The following PPP4R2 variants were observed in gnomAD, a reference collection of about 807,000 sequenced individuals.
The protein encoded by PPP4R2 is serine/threonine-protein phosphatase 4 regulatory subunit 2.
In PPP4R2, 13 loss-of-function variants were observed where a neutral mutation model predicts 47.2. The ratio of observed to expected loss-of-function variants is 0.28; its 90% confidence interval spans 0.18 to 0.44. The LOEUF is 0.44. PPP4R2 is among the 20% of genes least tolerant of loss of function. The pLI is 1.00. For missense variants in PPP4R2, 421 were observed against 491.2 expected, an observed-to-expected ratio of 0.86 and a Z score of 1.35; for synonymous variants, 151 against 163.3, an observed-to-expected ratio of 0.92 and a Z score of 0.57.
intron 5 of PPP4R2, 95 bp from the exon 6 acceptor site, chr3:73,063,578 T>G (rs774676275): frequency 3.9e-5 from 27 of 690,808 alleles, no homozygotes; most frequent in Admixed American, 6.9e-5. Flanking sequence ...GAGCTGAGAT[T>G]GCACCACTGC....
intron 1 of PPP4R2, among the ~76,000 whole-genome samples, chr3:72,997,697 A>G (rs527368736): frequency 8.5e-5 from 13 of 152,180 alleles, no homozygotes; most frequent in Non-Finnish European, 1.8e-4. Context: ...AACTTGGGGT[A>G]GTTGGTGCTT....
intron 2 of PPP4R2, among the ~76,000 whole-genome samples, chr3:73,007,030 A>G (rs1277162251): frequency 1.3e-5 from 2 of 152,184 alleles, no homozygotes; most frequent in Non-Finnish European, 2.9e-5. Context: ...TTGGTCAGCC[A>G]TAAGGTTTTA....
At chr3:72,998,929 C>T (rs534778812) in intron 2 of PPP4R2, among the ~76,000 whole-genome samples, 2 of 152,080 alleles carry the variant, frequency 1.3e-5, no homozygotes. Flanking sequence ...GGGTAGGTTT[C>T]TATGGTTTCA....
chr3:73,029,180 A>G lies in PPP4R2; in HGVS notation c.117-18006A>G, dbSNP rs533870643. On this transcript the variant is annotated intron_variant, in intron 2 of 8. Transcript: ENST00000356692. ...GGTTTTGAACCCCTGGATGCAAACAATCCTCCCACCTTGTCCTCCCAAAGT... is the reference window on the plus strand; with the variant it reads ...GGTTTTGAACCCCTGGATGCAAACAGTCCTCCCACCTTGTCCTCCCAAAGT... 9.0e-4 allele frequency among the ~76,000 whole-genome samples: 137 copies of G among 152,282 alleles called. 1 individual carries two copies. The highest frequency in any genetic ancestry group is 1.6e-3 in the Non-Finnish European group (106 of 68,020).
chr3:73,051,039 C>G (rs576839914), intron 3 of PPP4R2, among the ~76,000 whole-genome samples: 76 of 152,224 alleles, frequency 5.0e-4, no homozygotes, highest in African/African-American at 1.4e-3. Context: ...CTCAGCCTCC[C>G]GAGTAGCCGC....
intron 2 of PPP4R2, among the ~76,000 whole-genome samples, chr3:73,002,126 CACTTA>C (rs1167030904): frequency 6.6e-6 from 1 of 152,236 alleles, no homozygotes; most frequent in Non-Finnish European, 1.5e-5. Context: ...GACTTAACTT[CACTTA>C]ACATAATGGC....
chr3:73,064,238 G>GTCCCTCAGAACTTATA, intron 7 of PPP4R2, 92 bp downstream of exon 7: 1 of 1,142,636 alleles, frequency 8.8e-7, no homozygotes, highest in Non-Finnish European at 1.2e-6. Flanking sequence ...TATAAGTTCT[G>GTCCCTCAGAACTTATA]AGGGACAGAA....
rs559932910 is a variant in PPP4R2, at chr3:73,021,501, G to C, written c.116+23343G>C. Among the ~76,000 whole-genome samples the C allele has an allele frequency of 6.6e-5, 10 of 152,166 alleles. No individual in the cohort carries two copies. The South Asian group carries it at 1.5e-3, about 22-fold the overall frequency. On this transcript the variant is annotated intron_variant, in intron 2 of 8. Transcript: ENST00000356692. ...TTCCTCCCACCTCTGACTCCAGAGT[G>C]TTAGGATTACAAGCATAAGCCATCA...
At chr3:73,049,832 A>G (rs548912917) in intron 3 of PPP4R2, among the ~76,000 whole-genome samples, 98 of 151,602 alleles carry the variant, frequency 6.5e-4, no homozygotes, top group Non-Finnish European at 1.3e-3. Flanking sequence ...TTAATCTGTA[A>G]AAGAGGTAAT....
intron 2 of PPP4R2, among the ~76,000 whole-genome samples, chr3:73,026,743 T>C (rs148720575): frequency 2.9e-4 from 44 of 152,192 alleles, no homozygotes; most frequent in African/African-American, 9.6e-4. Flanking sequence ...TTAGTGTTAG[T>C]GTTAGTGTAT....
intron 2 of PPP4R2, among the ~76,000 whole-genome samples, chr3:73,033,157 A>ATTTTTT (rs761618971): frequency 6.6e-6 from 1 of 151,968 alleles, no homozygotes; most frequent in East Asian, 1.9e-4. Context: ...CACAATAACA[A>ATTTTTT]TTTTTTTTGT....
chr3:73,007,575 A>G lies in PPP4R2; in HGVS notation c.116+9417A>G, dbSNP rs6762115. Among the ~76,000 whole-genome samples the G allele has an allele frequency of 9.6e-3, 1,435 of 149,860 alleles. 29 individuals are homozygous for G. The highest frequency in any genetic ancestry group is 0.034 in the African/African-American group (1,331 of 39,570). On this transcript the variant is annotated intron_variant, in intron 2 of 8. Coordinates refer to ENST00000356692, the MANE Select transcript of PPP4R2 (RefSeq NM_174907.4). ...TTTGAACCTCTGGCTCCCGGGTTCA[A>G]GCTCCCAGGTTCAAGCGATTCTCCT...
intron 2 of PPP4R2, among the ~76,000 whole-genome samples, chr3:73,032,201 ATTTC>A (rs914830400): frequency 6.6e-6 from 1 of 151,774 alleles, no homozygotes; most frequent in Non-Finnish European, 1.5e-5. Flanking sequence ...ACTTTCTTTT[ATTTC>A]TTTTTCTCCT....
At chr3:73,064,711 CTT>C (rs1339433959) in intron 7 of PPP4R2, 139 bp from the exon 8 acceptor site, 35 of 742,674 alleles carry the variant, frequency 4.7e-5, no homozygotes, top group Non-Finnish European at 6.9e-5. Flanking sequence ...AAATTATTCT[CTT>C]GTGTTTTTCT....
rs146740147 is a variant in PPP4R2, at chr3:73,065,589, C to G, written c.1121C>G (p.Ser374Cys). 6.8e-6 allele frequency: 11 copies of G among 1,613,524 alleles called. No homozygotes were observed. Among genetic ancestry groups the G allele is most frequent in the African/African-American group, 1.3e-5 (1 of 74,896 alleles). The change falls in exon 9 of 9, where the codon TCT (serine) becomes TGT (cysteine). Residue 374 changes from serine to cysteine, a missense_variant. Coordinates refer to ENST00000356692, the MANE Select transcript of PPP4R2 (RefSeq NM_174907.4). ...SENEGPVSSS[S>C]SDCRETEELV... ...AACGAAGGCCCTGTAAGTAGTAGTT[C>G]TTCTGACTGCCGTGAAACAGAAGAA...
intron 2 of PPP4R2, among the ~76,000 whole-genome samples, chr3:73,026,516 G>A (rs548923285): frequency 1.3e-5 from 2 of 151,992 alleles, no homozygotes; most frequent in Non-Finnish European, 1.5e-5. Flanking sequence ...GTTCCCTGAG[G>A]ACAACTAAAT....
chr3:73,058,396 C>T (rs1221562080), intron 3 of PPP4R2, among the ~76,000 whole-genome samples: 2 of 151,878 alleles, frequency 1.3e-5, no homozygotes, highest in African/African-American at 2.4e-5. Context: ...ATTTGTGTTA[C>T]CTCTCTTGTA....
At chr3:73,054,004 T>A (rs1702676628) in intron 3 of PPP4R2, among the ~76,000 whole-genome samples, 1 of 152,018 alleles carries the variant, frequency 6.6e-6, no homozygotes, top group Non-Finnish European at 1.5e-5. Context: ...TGTTGCTCTA[T>A]TACCTGGGTT....
At position 73,065,859 on chromosome 3, in the gene PPP4R2, C is replaced by G. The variant is rs528275868; in HGVS notation, c.*137C>G. ...AAAATAAAGTACTTTATGGATAATT[C>G]CTGAAAGAGTTGTACATGTAAGAAC... On this transcript the variant is annotated 3_prime_UTR_variant, in exon 9 of 9. Coordinates refer to ENST00000356692, the MANE Select transcript of PPP4R2 (RefSeq NM_174907.4). The G allele has an allele frequency of 1.8e-4, 107 of 582,388 alleles. No homozygotes were observed. The African/African-American group carries it at 1.9e-3, about 10-fold the overall frequency. 36.1% of individuals were successfully genotyped at this position (582,388 alleles called of 1,614,324 possible).
Sources: allele counts gnomAD v4.1 joint callset (sites outside exome capture counted in the v4.1 genomes callset), GRCh38; gene constraint gnomAD v4.1.1; transcripts MANE v1.5; gene names NCBI Gene and HGNC (gene_info 2026-07-23, HGNC 2026-07-21).